STAG1: variants seen among roughly 807,000 people sequenced by gnomAD.
STAG1 encodes the protein cohesin subunit SA-1.
STAG1 carries 26 observed loss-of-function variants against 170.9 expected under a neutral mutation model. The ratio of observed to expected loss-of-function variants is 0.15; its 90% CI spans 0.11 to 0.21. STAG1 has a LOEUF of 0.21. Ranked by LOEUF, STAG1 falls within the 10% of genes least tolerant of loss-of-function variation. STAG1 has a pLI of 1.00. For synonymous variants in STAG1, 514 were observed against 497.7 expected, an observed-to-expected ratio of 1.03 and a Z score of -0.44; for missense variants, 964 against 1,509.5, an observed-to-expected ratio of 0.64 and a Z score of 5.99.
chr3:136,660,916 C>T (rs1941556493), intron 1 of STAG1, among the ~76,000 whole-genome samples: 1 of 152,046 alleles, frequency 6.6e-6, no homozygotes, highest in Non-Finnish European at 1.5e-5. Flanking sequence ...CTGAAGTAAG[C>T]CATGATTGTG....
At chr3:136,566,806 T>C (rs1175842692) in intron 5 of STAG1, among the ~76,000 whole-genome samples, 1 of 152,196 alleles carries the variant, frequency 6.6e-6, no homozygotes, top group Non-Finnish European at 1.5e-5. Flanking sequence ...ATTACAGTAC[T>C]CTCTGTAACA....
chr3:136,583,339 CA>C (rs897479736), intron 4 of STAG1, among the ~76,000 whole-genome samples: 2 of 151,600 alleles, frequency 1.3e-5, no homozygotes, highest in African/African-American at 2.4e-5. Context: ...TCTATAAATA[CA>C]AAAAAAATTC....
intron 9 of STAG1, among the ~76,000 whole-genome samples, chr3:136,496,381 A>C (rs1464665274): frequency 1.3e-5 from 2 of 152,222 alleles, no homozygotes; most frequent in Non-Finnish European, 2.9e-5. Flanking sequence ...TCTATTCACC[A>C]AGATAGAGTT....
chr3:136,503,412 T>C (rs1933586861), intron 7 of STAG1, among the ~76,000 whole-genome samples: 1 of 152,214 alleles, frequency 6.6e-6, no homozygotes. Context: ...TTCACTTGTA[T>C]TTGTAAATCT....
At chr3:136,354,199 G>A (rs1489412375) in intron 28 of STAG1, among the ~76,000 whole-genome samples, 5 of 152,058 alleles carry the variant, frequency 3.3e-5, no homozygotes, top group Non-Finnish European at 7.4e-5. Context: ...GATGGACTAG[G>A]TATAACAAGA....
At position 136,640,682 on chromosome 3, in the gene STAG1, T is replaced by G. The variant is rs1940759583; in HGVS notation, c.-83-9701A>C. Among the ~76,000 whole-genome samples, 2 of 150,174 alleles carry G rather than the reference T, an allele frequency of 1.3e-5. 1 individual carries two copies. The highest frequency in any genetic ancestry group is 1.3e-4 in the Admixed American group (2 of 15,092). ...CCGCACCTGGCCTGTTTTGTTGTTT[T>G]TTTTTTTTTTAGACAGAGTCTTGCT... is the stretch of plus-strand genomic sequence containing the variant. On this transcript the variant is annotated intron_variant, in intron 1 of 33. Transcript: ENST00000383202.
intron 1 of STAG1, chr3:136,736,770 C>T: frequency 1.3e-6 from 2 of 1,599,920 alleles, no homozygotes; most frequent in South Asian, 1.1e-5. Flanking sequence ...TGTTTATATA[C>T]AGCTTGTTTG....
intron 16 of STAG1, among the ~76,000 whole-genome samples, chr3:136,426,973 T>C (rs112469768): frequency 5.3e-5 from 8 of 150,650 alleles, no homozygotes; most frequent in African/African-American, 1.5e-4. Flanking sequence ...GGCAGGAGAA[T>C]GGCATGAACC....
chr3:136,553,389 A>G (rs564933254), intron 5 of STAG1, among the ~76,000 whole-genome samples: 1 of 152,346 alleles, frequency 6.6e-6, no homozygotes, highest in Non-Finnish European at 1.5e-5. Flanking sequence ...TTTTAGAATG[A>G]ATGAAAAACA....
chr3:136,708,752 C>CTTAG (rs891342066), intron 1 of STAG1, among the ~76,000 whole-genome samples: 1 of 152,024 alleles, frequency 6.6e-6, no homozygotes, highest in Non-Finnish European at 1.5e-5. Context: ...TTGTTAGGTG[C>CTTAG]TTAGTTTCAC....
At chr3:136,702,115 G>GAGAGAC (rs1553768614) in intron 1 of STAG1, among the ~76,000 whole-genome samples, 209 of 66,300 alleles carry the variant, frequency 3.2e-3, no homozygotes, top group South Asian at 5.9e-3. Context: ...GAGAGAGAGA[G>GAGAGAC]AGAGAGACAG....
intron 4 of STAG1, among the ~76,000 whole-genome samples, chr3:136,580,523 T>A (rs1161918082): frequency 1.7e-5 from 2 of 116,074 alleles, no homozygotes; most frequent in Non-Finnish European, 3.9e-5. Context: ...GTATAATTCT[T>A]TTTTTTTTTT....
chr3:136,512,951 T>G (rs919891954), intron 7 of STAG1, among the ~76,000 whole-genome samples: 1 of 151,938 alleles, frequency 6.6e-6, no homozygotes. Flanking sequence ...AAGCAGAGAA[T>G]AAGAAGAAAA....
intron 5 of STAG1, among the ~76,000 whole-genome samples, chr3:136,550,748 A>T (rs1291233447): frequency 6.6e-6 from 1 of 152,146 alleles, no homozygotes; most frequent in Admixed American, 6.5e-5. Flanking sequence ...CTGGGACATC[A>T]TCTTTAAAGT....
chr3:136,570,130 C>G (rs1937214521), intron 4 of STAG1, among the ~76,000 whole-genome samples: 2 of 152,042 alleles, frequency 1.3e-5, no homozygotes, highest in South Asian at 4.1e-4. Context: ...TAAATACATA[C>G]ACCTGTGTAA....
chr3:136,614,625 C>T (rs1190901822), intron 3 of STAG1, among the ~76,000 whole-genome samples: 1 of 152,150 alleles, frequency 6.6e-6, no homozygotes, highest in Non-Finnish European at 1.5e-5. Context: ...CAACTGTATA[C>T]TATTCAATTT....
At chr3:136,716,705 A>C (rs1222771220) in intron 1 of STAG1, among the ~76,000 whole-genome samples, 1 of 152,206 alleles carries the variant, frequency 6.6e-6, no homozygotes, top group African/African-American at 2.4e-5. Context: ...TCCAATTATC[A>C]AAGTAACCTC....
At chr3:136,697,354 T>C (rs1280678543) in intron 1 of STAG1, among the ~76,000 whole-genome samples, 4 of 152,176 alleles carry the variant, frequency 2.6e-5, no homozygotes, top group African/African-American at 9.6e-5. Context: ...CTGCAAGTTG[T>C]TCGAAATGCA....
chr3:136,560,573 T>C (rs547638581), intron 5 of STAG1, among the ~76,000 whole-genome samples: 9 of 152,314 alleles, frequency 5.9e-5, no homozygotes, highest in East Asian at 1.9e-4. Context: ...CCTTTGCATT[T>C]TTCCCACTTC....
Sources: allele counts gnomAD v4.1 joint callset (sites outside exome capture counted in the v4.1 genomes callset), GRCh38; gene constraint gnomAD v4.1.1; transcripts MANE v1.5; gene names NCBI Gene and HGNC (gene_info 2026-07-23, HGNC 2026-07-21).